Variants in OLFM2 observed in about 807,000 individuals in gnomAD.
OLFM2 encodes olfactomedin 2, also known as noelin-2.
OLFM2 carries 20 observed loss-of-function variants against 43.9 expected under a neutral mutation model. The observed-to-expected ratio is 0.46, with a 90% CI of 0.32 to 0.66. The LOEUF (loss-of-function observed/expected upper bound fraction) is 0.66, where lower values mean the gene tolerates loss of function less well. Ranked by LOEUF, OLFM2 falls within the 30% of genes least tolerant of loss-of-function variation. The pLI, the probability that OLFM2 is intolerant of heterozygous loss-of-function variation, is 0.04. For missense variants in OLFM2, 416 were observed against 643.6 expected (o/e 0.65, Z 3.83); for synonymous variants, 268 against 278.6 (o/e 0.96, Z 0.38).
At chr19:9,913,782 C>T (rs1376393896) in intron 1 of OLFM2, 2 of 530,030 alleles carry the variant, frequency 3.8e-6, no homozygotes, top group Non-Finnish European at 4.8e-6. Flanking sequence ...AGGGGGGGCT[C>T]GGGGACGCGG....
intron 1 of OLFM2, among the ~76,000 whole-genome samples, chr19:9,909,084 C>T (rs2046807364): frequency 1.3e-5 from 2 of 152,108 alleles, no homozygotes; most frequent in South Asian, 4.2e-4. Context: ...AAGCAATCTT[C>T]CCACCCCTGC....
intron 1 of OLFM2, among the ~76,000 whole-genome samples, chr19:9,921,205 C>A (rs559923313): frequency 6.6e-6 from 1 of 152,274 alleles, no homozygotes; most frequent in African/African-American, 2.4e-5. Flanking sequence ...TAGCCTCAAC[C>A]TCCCTGGCTC....
intron 5 of OLFM2, among the ~76,000 whole-genome samples, chr19:9,855,596 C>T (rs2046310375): frequency 6.6e-6 from 1 of 151,506 alleles, no homozygotes; most frequent in Non-Finnish European, 1.5e-5. Flanking sequence ...GGCAGTGGCA[C>T]AATCACGGCT....
chr19:9,862,168 C>T (rs1292776498), intron 1 of OLFM2, among the ~76,000 whole-genome samples: 4 of 152,194 alleles, frequency 2.6e-5, no homozygotes, highest in African/African-American at 7.2e-5. Flanking sequence ...CGGACATCAA[C>T]CACTTAATGC....
intron 1 of OLFM2, among the ~76,000 whole-genome samples, chr19:9,865,750 C>A (rs191092847): frequency 1.2e-4 from 18 of 151,258 alleles, no homozygotes; most frequent in Middle Eastern, 3.4e-3. Flanking sequence ...CCTTGGCCTC[C>A]CAAAATGCTG....
chr19:9,920,191 A>C (rs1378932798), intron 1 of OLFM2, among the ~76,000 whole-genome samples: 1 of 151,852 alleles, frequency 6.6e-6, no homozygotes, highest in Admixed American at 6.6e-5. Flanking sequence ...AGGTGGGAGG[A>C]TCGCTTAAGC....
chr19:9,887,808 G>A (rs1220785706), intron 1 of OLFM2, among the ~76,000 whole-genome samples: 1 of 152,112 alleles, frequency 6.6e-6, no homozygotes, highest in Non-Finnish European at 1.5e-5. Context: ...TGAGGCCAGA[G>A]GATCACTTGA....
At chr19:9,919,027 TC>T (rs1184583306) in intron 1 of OLFM2, among the ~76,000 whole-genome samples, 1 of 152,070 alleles carries the variant, frequency 6.6e-6, no homozygotes, top group African/African-American at 2.4e-5. Context: ...AAATTATACC[TC>T]CATAAAACTG....
At chr19:9,892,263 A>G (rs1420713982) in intron 1 of OLFM2, among the ~76,000 whole-genome samples, 1 of 152,120 alleles carries the variant, frequency 6.6e-6, no homozygotes, top group Non-Finnish European at 1.5e-5. Flanking sequence ...TGGGTGTGAC[A>G]GCCTATATGG....
intron 1 of OLFM2, among the ~76,000 whole-genome samples, chr19:9,904,638 G>T (rs1490024905): frequency 6.6e-6 from 1 of 152,026 alleles, no homozygotes; most frequent in African/African-American, 2.4e-5. Flanking sequence ...GGCCTGGTAG[G>T]ACTAGAGAGA....
chr19:9,897,861 T>C lies in OLFM2; in HGVS notation c.64-37067A>G, dbSNP rs537421905. On this transcript the variant is annotated intron_variant, in intron 1 of 5. Coordinates refer to ENST00000264833, the MANE Select transcript of OLFM2 (RefSeq NM_058164.4). ...ACTTCCTGGCTATTAACATGCAGAG[T>C]GACCTGTCTGATGTCTGTTCTGCCT... 2.0e-5 allele frequency among the ~76,000 whole-genome samples: 3 copies of C among 152,108 alleles called. No individual in the cohort carries two copies. In the South Asian group the frequency reaches 6.2e-4, roughly 32 times the overall value.
chr19:9,924,850 G>T (rs2086443015), intron 1 of OLFM2, among the ~76,000 whole-genome samples: 1 of 151,758 alleles, frequency 6.6e-6, no homozygotes, highest in Non-Finnish European at 1.5e-5. Flanking sequence ...TATTGGCCGG[G>T]AGTTCAATGT....
intron 1 of OLFM2, among the ~76,000 whole-genome samples, chr19:9,865,827 AAAAAAAAAC>A (rs1326984616): frequency 3.3e-5 from 5 of 149,442 alleles, no homozygotes; most frequent in African/African-American, 9.8e-5. Flanking sequence ...TAAAAAAAAA[AAAAAAAAAC>A]AAAGAAAAAC....
chr19:9,879,781 C>CTCTT (rs56914052), intron 1 of OLFM2, among the ~76,000 whole-genome samples: 143,587 of 151,764 alleles, frequency 0.95, 68,355 homozygotes, highest in Non-Finnish European at 1. Flanking sequence ...GTCTTGAACT[C>CTCTT]TTTTTTGTCT....
In OLFM2 at chr19:9,856,885, G is replaced by A. The variant is rs975420300; in HGVS notation, c.609C>T (p.Asn203=). The change falls in exon 5 of 6, where the codon AAC becomes AAT. Residue 203 remains asparagine, a synonymous_variant. Transcript: ENST00000264833. This position sits in a 1 kb window ranked among gnomAD's most constrained non-coding sequence, Gnocchi z 4.0. The part of the protein sequence containing the change: ...LGCGKLTGVS[N]PITVRAMGSR... ...ACCCCATGGCCCGAACGGTGATGGG[G>A]TTACTGACCCCGGTCAGCTTCCCAC... is the stretch of plus-strand genomic sequence containing the variant. 1 of 1,612,434 alleles carries A rather than the reference G, an allele frequency of 6.2e-7. No homozygotes were observed. The highest frequency in any genetic ancestry group is 8.5e-7 in the Non-Finnish European group (1 of 1,179,348).
At chr19:9,933,193 C>T (rs2086494288) in intron 1 of OLFM2, among the ~76,000 whole-genome samples, 1 of 152,162 alleles carries the variant, frequency 6.6e-6, no homozygotes, top group South Asian at 2.1e-4. Context: ...CTTAGAGACA[C>T]CTTCCCTGAC....
intron 2 of OLFM2, among the ~76,000 whole-genome samples, chr19:9,860,230 C>T (rs2046356628): frequency 6.6e-6 from 1 of 151,900 alleles, no homozygotes; most frequent in Admixed American, 6.6e-5. Context: ...GTAATCCCAA[C>T]ACTTTGGGAG....
intron 1 of OLFM2, among the ~76,000 whole-genome samples, chr19:9,932,472 G>A (rs1411962766): frequency 8.3e-5 from 12 of 145,194 alleles, no homozygotes; most frequent in Non-Finnish European, 1.1e-4. Flanking sequence ...AAAAAAAAAA[G>A]AAAGAAAGAG....
intron 1 of OLFM2, among the ~76,000 whole-genome samples, chr19:9,933,852 C>G (rs1201087887): frequency 6.6e-6 from 1 of 152,164 alleles, no homozygotes; most frequent in Non-Finnish European, 1.5e-5. Context: ...CCACAGCACC[C>G]GGCTCCAGTC....
Sources: allele counts gnomAD v4.1 joint callset (sites outside exome capture counted in the v4.1 genomes callset), GRCh38; gene constraint gnomAD v4.1.1; non-coding constraint Gnocchi (gnomAD v3.1); transcripts MANE v1.5; gene names NCBI Gene and HGNC (gene_info 2026-07-23, HGNC 2026-07-21).